Variants in RAP1B observed in about 807,000 individuals in gnomAD.
The protein encoded by RAP1B is ras-related protein Rap-1b.
RAP1B carries 1 observed loss-of-function variant against 27.5 expected under a neutral mutation model. The ratio of observed to expected loss-of-function variants is 0.04; its 90% CI spans 0.01 to 0.17. RAP1B has a LOEUF of 0.17. Among genes scored for constraint, RAP1B ranks in the 10% least tolerant of loss-of-function variants. The probability of loss-of-function intolerance (pLI) is 1.00; values close to 1 mark genes in which losing one functional copy is unlikely to be tolerated. For synonymous variants in RAP1B, 75 were observed against 73.1 expected (o/e 1.03, Z -0.13); for missense variants, 84 against 214.8 (o/e 0.39, Z 3.81).
intron 1 of RAP1B, among the ~76,000 whole-genome samples, chr12:68,647,387 G>C (rs935511828): frequency 0.12 from 666 of 5,486 alleles, 14 homozygotes; most frequent in Middle Eastern, 0.25. Context: ...TCCACTCCCC[G>C]CCCCCCCCCC....
chr12:68,654,290 A>G, intron 5 of RAP1B, 38 bp downstream of exon 5: 1 of 1,185,768 alleles, frequency 8.4e-7, no homozygotes, highest in South Asian at 1.5e-5. Context: ...TTATTTCAAA[A>G]CCCTGATTAT....
rs150314949 is a variant in RAP1B, at chr12:68,640,672, G to A, written c.-26-8027G>A. Among the ~76,000 whole-genome samples the A allele has an allele frequency of 1.4e-3, 212 of 152,088 alleles. 1 individual carries two copies. Among genetic ancestry groups the A allele is most frequent in the Middle Eastern group, 0.014 (4 of 294 alleles). ...ATTTGTCATTTTGTTACGCTTTTTA[G>A]TTTCCTCAGTGATTTTTTAGAATAA... On this transcript the variant is annotated intron_variant, in intron 1 of 7. Coordinates refer to ENST00000250559, the MANE Select transcript of RAP1B (RefSeq NM_001010942.3).
intron 1 of RAP1B, among the ~76,000 whole-genome samples, chr12:68,612,469 C>CA (rs1870674900): frequency 6.6e-6 from 1 of 152,138 alleles, no homozygotes; most frequent in East Asian, 1.9e-4. Context: ...CCCACCCTGT[C>CA]ATTTTATGGA....
chr12:68,625,601 A>C (rs561398956), intron 1 of RAP1B, among the ~76,000 whole-genome samples: 2 of 152,304 alleles, frequency 1.3e-5, no homozygotes, highest in African/African-American at 2.4e-5. Flanking sequence ...CGAACCCACA[A>C]TCTAAAATCA....
intron 1 of RAP1B, among the ~76,000 whole-genome samples, chr12:68,628,308 C>G (rs1479506508): frequency 6.6e-6 from 1 of 152,292 alleles, no homozygotes. Flanking sequence ...ACAACTGATA[C>G]AAACTGAAGC....
intron 1 of RAP1B, among the ~76,000 whole-genome samples, chr12:68,644,302 A>G (rs1437070251): frequency 6.6e-6 from 1 of 152,154 alleles, no homozygotes; most frequent in African/African-American, 2.4e-5. Flanking sequence ...TAAAGAGTGG[A>G]ACAGTGGGCC....
chr12:68,644,831 G>A (rs1335972765), intron 1 of RAP1B, among the ~76,000 whole-genome samples: 2 of 151,434 alleles, frequency 1.3e-5, no homozygotes, highest in African/African-American at 4.8e-5. Flanking sequence ...TAGGATTACA[G>A]GCATGTGCCA....
chr12:68,612,875 T>G lies in RAP1B; in HGVS notation c.-27+1832T>G, dbSNP rs577880620. Among the ~76,000 whole-genome samples, 72 of 152,356 alleles carry G rather than the reference T, an allele frequency of 4.7e-4. 2 individuals carry two copies. Among genetic ancestry groups the G allele is most frequent in the Admixed American group, 4.1e-3 (63 of 15,304 alleles). On this transcript the variant is annotated intron_variant, in intron 1 of 7. Transcript: ENST00000250559. The stretch of plus-strand genomic sequence containing the variant: ...TTTAATGTGTACTACGTTAGGTGTT[T>G]TCACTTGCATTTCCTTGTTTGACGT...
At chr12:68,624,026 A>G (rs911262503) in intron 1 of RAP1B, among the ~76,000 whole-genome samples, 34 of 141,902 alleles carry the variant, frequency 2.4e-4, no homozygotes, top group African/African-American at 7.5e-5. Flanking sequence ...ATCTCAGGGA[A>G]AAAAAAAAAA....
At position 68,654,352 on chromosome 12, in the gene RAP1B, G is replaced by GGC. The variant is rs1555173456; in HGVS notation, c.324+101_324+102insCG. 4.5e-5 allele frequency: 10 copies of GGC among 222,162 alleles called. No individual in the cohort carries two copies. The Middle Eastern group carries it at 2.0e-3, about 45-fold the overall frequency. 13.8% of individuals were successfully genotyped at this position (222,162 alleles called of 1,614,324 possible). A position where few individuals can be genotyped will look rare whatever the true frequency, so the allele number is the denominator to read the frequency against. Reference sequence around the variant, plus strand: ...ATTTTAAAGCTTGTGTATTTTGGTTGGGGGGGGGGTGTTGGTTTTTTTAAA... The same window carrying GGC: ...ATTTTAAAGCTTGTGTATTTTGGTTGGCGGGGGGGGGTGTTGGTTTTTTTAAA... On this transcript the variant is annotated intron_variant, in intron 5 of 7. Coordinates refer to ENST00000250559, the MANE Select transcript of RAP1B (RefSeq NM_001010942.3).
At chr12:68,638,905 C>T (rs544186525) in intron 1 of RAP1B, among the ~76,000 whole-genome samples, 1 of 152,158 alleles carries the variant, frequency 6.6e-6, no homozygotes, top group Non-Finnish European at 1.5e-5. Flanking sequence ...AAGTGATCTG[C>T]CTGCCTCGGC....
chr12:68,637,611 A>AC (rs1408734769), intron 1 of RAP1B, among the ~76,000 whole-genome samples: 3 of 149,582 alleles, frequency 2.0e-5, no homozygotes, highest in Non-Finnish European at 3.0e-5. Context: ...AAAAAAAAAA[A>AC]AAAAAAAAAA....
chr12:68,614,189 C>T (rs1870817331), intron 1 of RAP1B, among the ~76,000 whole-genome samples: 1 of 152,018 alleles, frequency 6.6e-6, no homozygotes, highest in African/African-American at 2.4e-5. Context: ...TGTAGGTACT[C>T]GATAAATATT....
At chr12:68,640,190 T>C (rs1018089786) in intron 1 of RAP1B, among the ~76,000 whole-genome samples, 7 of 152,158 alleles carry the variant, frequency 4.6e-5, no homozygotes, top group African/African-American at 1.7e-4. Context: ...GGTAGTCTTT[T>C]GTTAAAAACA....
chr12:68,656,425 A>G lies in RAP1B; in HGVS notation c.444A>G (p.Ala148=). The stretch of plus-strand genomic sequence containing the variant: ...ACTGTGCATTCTTAGAATCTTCTGC[A>G]AAATCAAAAATAAATGTTAATGAGG... ...WNNCAFLESS[A]KSKINVNEIF... is the part of the protein sequence containing the mutation. Residue 148 remains alanine, a synonymous_variant, in exon 6 of 8, where the codon GCA becomes GCG. Transcript: ENST00000250559. 1.9e-6 allele frequency: 3 copies of G among 1,610,994 alleles called. No homozygotes were observed. The highest frequency in any genetic ancestry group is 2.5e-6 in the Non-Finnish European group (3 of 1,177,244).
At position 68,648,764 on chromosome 12, in the gene RAP1B, G is replaced by A. The variant is rs1359697089; in HGVS notation, c.40G>A (p.Val14Ile). The change falls in exon 2 of 8, where the codon GTT (valine) becomes ATT (isoleucine). Residue 14 changes from valine (V) to isoleucine (I), a missense_variant. Val to Ile is a conservative substitution (Grantham distance 29). Coordinates refer to ENST00000250559, the MANE Select transcript of RAP1B (RefSeq NM_001010942.3). ...GCTAGTCGTTCTTGGCTCAGGAGGC[G>A]TTGGAAAGTCTGCTTTGGTAAGTCA... ...YKLVVLGSGG[V>I]GKSALTVQFV... 5 of 1,611,868 alleles carry A rather than the reference G, an allele frequency of 3.1e-6. No homozygotes were observed. The highest frequency in any genetic ancestry group is 2.5e-6 in the Non-Finnish European group (3 of 1,179,484).
chr12:68,666,506 C>G lies in RAP1B; in HGVS notation c.*7257C>G, dbSNP rs534682913. ...GAGGCTCTCGGAGAGAACCTGTTCC[C>G]ATGGCATTATGCCACATCACATGTG... On this transcript the variant is annotated 3_prime_UTR_variant, in exon 8 of 8. Transcript: ENST00000250559. 2 of 152,184 alleles carry G rather than the reference C, an allele frequency of 1.3e-5. No homozygotes were observed. The highest frequency in any genetic ancestry group is 2.9e-5 in the Non-Finnish European group (2 of 68,030). The allele number at this position is 152,184 out of a possible 1,614,324, so 9.4% of individuals were successfully genotyped here.
chr12:68,623,584 A>C (rs1289450244), intron 1 of RAP1B, among the ~76,000 whole-genome samples: 1 of 152,236 alleles, frequency 6.6e-6, no homozygotes, highest in African/African-American at 2.4e-5. Flanking sequence ...AGTCACATTA[A>C]GTGAGAGAAA....
intron 1 of RAP1B, among the ~76,000 whole-genome samples, chr12:68,616,933 TCTAC>T (rs1308248714): frequency 6.6e-6 from 1 of 152,202 alleles, no homozygotes; most frequent in African/African-American, 2.4e-5. Context: ...GTGGATTGCC[TCTAC>T]CTGTTTCCTT....
Sources: gnomAD v4.1 joint callset for allele counts (sites outside exome capture counted in the v4.1 genomes callset) on GRCh38, gnomAD v4.1.1 for gene constraint, MANE v1.5 for transcripts, NCBI Gene and HGNC (gene_info 2026-07-23, HGNC 2026-07-21) for gene names.